The following ITGB5 variants were observed in gnomAD, a reference collection of about 807,000 sequenced individuals.
ITGB5 encodes integrin subunit beta 5, also known as integrin beta-5.
In ITGB5, 38 loss-of-function variants were observed where a neutral mutation model predicts 84.8. The ratio of observed to expected loss-of-function variants is 0.45; its 90% CI spans 0.35 to 0.59. The LOEUF (loss-of-function observed/expected upper bound fraction) is 0.59, where lower values mean the gene tolerates loss of function less well. Among genes scored for constraint, ITGB5 ranks in the 20% least tolerant of loss-of-function variants. The pLI is 0.01. For synonymous variants in ITGB5, 393 were observed against 414.4 expected (o/e 0.95, Z 0.63); for missense variants, 905 against 1,034.5 (o/e 0.87, Z 1.72).
rs1444786466 is a variant in ITGB5 at position 124,773,682 on chromosome 3, A to C, written c.1916+8T>G. On this transcript the variant is annotated splice_region_variant and intron_variant, in intron 11 of 14. Coordinates refer to ENST00000296181, the MANE Select transcript of ITGB5 (RefSeq NM_002213.5). ...GAAGTAAGGTGGGGCTGTCAGTGGA[A>C]CCAGTACCTCTTGGTGCTGCATGCA... The C allele has an allele frequency of 6.2e-7, 1 of 1,610,992 alleles. No homozygotes were observed. Among genetic ancestry groups the C allele is most frequent in the Non-Finnish European group, 8.5e-7 (1 of 1,179,232 alleles).
intron 1 of ITGB5, among the ~76,000 whole-genome samples, chr3:124,897,441 T>C (rs1214668343): frequency 6.6e-6 from 1 of 152,174 alleles, no homozygotes; most frequent in Non-Finnish European, 1.5e-5. Flanking sequence ...GGTCCTTGCC[T>C]CCATTGGAAG....
intron 7 of ITGB5, 151 bp from the exon 8 acceptor site, chr3:124,817,861 G>A (rs2064630371): frequency 3.4e-6 from 2 of 588,718 alleles, no homozygotes; most frequent in South Asian, 4.3e-5. Flanking sequence ...ATCCCACAGG[G>A]AAAAGCAAGA....
Position 124,852,105 on chromosome 3 carries a change from C to T in ITGB5, c.362-3547G>A, listed in dbSNP as rs778339481. ...GCCACGCTGCTTTCCTTTAAAAACA[C>T]CCGAGACTTTAAGCCAATCGCCACC... On this transcript the variant is annotated intron_variant, in intron 3 of 14. Transcript: ENST00000296181. Among the ~76,000 whole-genome samples the T allele has an allele frequency of 3.3e-5, 5 of 152,182 alleles. No individual in the cohort carries two copies. In the South Asian group the frequency reaches 8.3e-4, roughly 25 times the overall value.
At chr3:124,894,202 G>A (rs561976553) in intron 1 of ITGB5, among the ~76,000 whole-genome samples, 19 of 140,760 alleles carry the variant, frequency 1.3e-4, no homozygotes, top group African/African-American at 5.0e-4. Flanking sequence ...GCACGATCTC[G>A]GCTCACTGCA....
chr3:124,852,017 C>T lies in ITGB5; in HGVS notation c.362-3459G>A, dbSNP rs1579295740. On this transcript the variant is annotated intron_variant, in intron 3 of 14. Transcript: ENST00000296181. Reference sequence around the variant, plus strand: ...AGAAGGTCTTGGGTATGTTTTCCAACTTTGGGTACACTTCCAGAACCATGC... The same window carrying T: ...AGAAGGTCTTGGGTATGTTTTCCAATTTTGGGTACACTTCCAGAACCATGC... Among the ~76,000 whole-genome samples the T allele has an allele frequency of 2.0e-5, 3 of 152,196 alleles. No homozygotes were observed. In the South Asian group the frequency reaches 6.2e-4, roughly 31 times the overall value.
At chr3:124,825,196 C>T (rs1336299323) in intron 5 of ITGB5, among the ~76,000 whole-genome samples, 1 of 79,246 alleles carries the variant, frequency 1.3e-5, no homozygotes, top group African/African-American at 4.0e-5. Flanking sequence ...GACTCCGTCT[C>T]AAAAAAAAAA....
intron 2 of ITGB5, among the ~76,000 whole-genome samples, chr3:124,868,259 G>A (rs1246035665): frequency 1.3e-5 from 2 of 152,124 alleles, no homozygotes; most frequent in Non-Finnish European, 2.9e-5. Flanking sequence ...TAATACATGT[G>A]TCTTAAGCTG....
chr3:124,794,899 G>A (rs566452970), intron 10 of ITGB5, among the ~76,000 whole-genome samples: 10 of 152,246 alleles, frequency 6.6e-5, no homozygotes, highest in Non-Finnish European at 1.5e-4. Flanking sequence ...TATTGTCAGG[G>A]TGCATCCATG....
intron 2 of ITGB5, among the ~76,000 whole-genome samples, chr3:124,865,613 A>T (rs533860106): frequency 3.3e-5 from 5 of 149,470 alleles, no homozygotes; most frequent in Non-Finnish European, 7.4e-5. Flanking sequence ...CAGCCTCCCA[A>T]GTAGCTGGGA....
At chr3:124,859,043 C>T (rs1302439391) in intron 3 of ITGB5, among the ~76,000 whole-genome samples, 199 bp downstream of exon 3, 5 of 152,204 alleles carry the variant, frequency 3.3e-5, no homozygotes, top group Non-Finnish European at 7.3e-5. Context: ...AGATCTTCCT[C>T]TGTCCACAGG....
intron 9 of ITGB5, among the ~76,000 whole-genome samples, chr3:124,805,392 C>A (rs2064384619): frequency 6.6e-6 from 1 of 152,128 alleles, no homozygotes; most frequent in East Asian, 1.9e-4. Flanking sequence ...ATTAACAAGT[C>A]TCAGTCTCCC....
At chr3:124,802,926 G>A (rs2064338366) in intron 9 of ITGB5, among the ~76,000 whole-genome samples, 1 of 152,180 alleles carries the variant, frequency 6.6e-6, no homozygotes, top group African/African-American at 2.4e-5. Flanking sequence ...ACAACACTGG[G>A]ACAGTGAGTA....
chr3:124,889,718 G>T (rs975334076), upstream of ITGB5, among the ~76,000 whole-genome samples: 5 of 152,182 alleles, frequency 3.3e-5, no homozygotes, highest in African/African-American at 1.2e-4. Flanking sequence ...GAGAGGCAGT[G>T]ATTATAAATA....
At chr3:124,798,848 C>T (rs762121413) in intron 9 of ITGB5, among the ~76,000 whole-genome samples, 8 of 152,172 alleles carry the variant, frequency 5.3e-5, no homozygotes, top group South Asian at 2.1e-4. Context: ...TCTAGGGACA[C>T]GGGGAGAGGG....
intron 1 of ITGB5, among the ~76,000 whole-genome samples, chr3:124,883,444 T>C (rs554345454): frequency 1.3e-5 from 2 of 152,270 alleles, no homozygotes; most frequent in Admixed American, 6.5e-5. Flanking sequence ...TGTAAATCCA[T>C]AGGATAAACA....
At chr3:124,816,771 A>G (rs72972581) in intron 8 of ITGB5, among the ~76,000 whole-genome samples, 3,631 of 152,316 alleles carry the variant, frequency 0.024, 143 homozygotes, top group African/African-American at 0.078. Context: ...GGAATGTGAA[A>G]GTGATTCCTA....
chr3:124,875,655 T>C (rs1354256127), intron 1 of ITGB5, among the ~76,000 whole-genome samples: 1 of 152,124 alleles, frequency 6.6e-6, no homozygotes, highest in Non-Finnish European at 1.5e-5. Context: ...CTTCGGGGTA[T>C]ATAGTCAAAG....
At chr3:124,890,031 T>C (rs188303539), upstream of ITGB5, among the ~76,000 whole-genome samples, 5 of 151,502 alleles carry the variant, frequency 3.3e-5, no homozygotes, top group East Asian at 5.9e-4. Flanking sequence ...AATCAATCAA[T>C]CAATGCCCTG....
intron 1 of ITGB5, among the ~76,000 whole-genome samples, chr3:124,886,360 G>T (rs1358298189): frequency 6.6e-6 from 1 of 151,806 alleles, no homozygotes; most frequent in Non-Finnish European, 1.5e-5. Context: ...GGGAGGGTGG[G>T]GGCTGCATCT....
Sources: allele counts gnomAD v4.1 joint callset (sites outside exome capture counted in the v4.1 genomes callset), GRCh38; gene constraint gnomAD v4.1.1; transcripts MANE v1.5; gene names NCBI Gene and HGNC (gene_info 2026-07-23, HGNC 2026-07-21).